The following GRID2 variants were observed in gnomAD, a reference collection of about 807,000 sequenced individuals.
GRID2 encodes glutamate ionotropic receptor delta type subunit 2.
Under a neutral mutation model 114.8 loss-of-function variants are expected in GRID2, and 33 were observed. That is an observed-to-expected ratio of 0.29 (90% CI 0.22 to 0.38). The LOEUF is 0.38. Ranked by LOEUF, GRID2 falls within the 10% of genes least tolerant of loss-of-function variation. The pLI is 1.00. For missense variants in GRID2, 1,184 were observed against 1,257.7 expected, an observed-to-expected ratio of 0.94 and a Z score of 0.89; for synonymous variants, 505 against 449.9, an observed-to-expected ratio of 1.12 and a Z score of -1.55.
At chr4:93,728,483 C>G (rs1269485085) in intron 14 of GRID2, among the ~76,000 whole-genome samples, 2 of 152,088 alleles carry the variant, frequency 1.3e-5, no homozygotes, top group South Asian at 2.1e-4. Context: ...GTGGAGAGTT[C>G]TGTAGATGTC....
intron 2 of GRID2, among the ~76,000 whole-genome samples, chr4:92,598,188 G>A (rs1729041598): frequency 6.6e-6 from 1 of 152,058 alleles, no homozygotes; most frequent in Non-Finnish European, 1.5e-5. Context: ...GTGTGCAATA[G>A]GAAATTGCAT....
intron 2 of GRID2, among the ~76,000 whole-genome samples, chr4:92,673,933 C>A (rs1441141279): frequency 5.9e-5 from 9 of 152,026 alleles, no homozygotes; most frequent in Admixed American, 5.9e-4. Flanking sequence ...TTGTAACAAA[C>A]CTGCACATTG....
chr4:93,370,768 T>C (rs1762813334), intron 8 of GRID2, among the ~76,000 whole-genome samples: 1 of 152,124 alleles, frequency 6.6e-6, no homozygotes, highest in South Asian at 2.1e-4. Context: ...TATGCGATCG[T>C]GTTTATTTTC....
intron 2 of GRID2, among the ~76,000 whole-genome samples, chr4:92,743,294 A>T (rs1343989740): frequency 6.6e-6 from 1 of 152,202 alleles, no homozygotes; most frequent in Non-Finnish European, 1.5e-5. Flanking sequence ...CGTCATCATC[A>T]TCATCATCTA....
At chr4:92,642,139 GT>G in intron 2 of GRID2, among the ~76,000 whole-genome samples, 1 of 151,550 alleles carries the variant, frequency 6.6e-6, no homozygotes, top group Non-Finnish European at 1.5e-5. Context: ...ATAAGGATCT[GT>G]TTTCCTTTGA....
intron 1 of GRID2, among the ~76,000 whole-genome samples, chr4:92,522,507 A>T (rs1724837678): frequency 6.6e-6 from 1 of 152,024 alleles, no homozygotes; most frequent in African/African-American, 2.4e-5. Context: ...CTGAGATGTG[A>T]CTAAATTTCA....
chr4:93,046,003 A>G (rs1307943148), intron 2 of GRID2, among the ~76,000 whole-genome samples: 1 of 152,126 alleles, frequency 6.6e-6, no homozygotes, highest in East Asian at 1.9e-4. Flanking sequence ...AAATGTTATA[A>G]TTGATAAGAA....
At chr4:92,385,262 T>C (rs986998510) in intron 1 of GRID2, among the ~76,000 whole-genome samples, 1 of 151,834 alleles carries the variant, frequency 6.6e-6, no homozygotes, top group African/African-American at 2.4e-5. Context: ...ATTTTGCTCA[T>C]TTCTAGACAT....
chr4:93,335,664 G>A (rs9998202), intron 8 of GRID2, among the ~76,000 whole-genome samples: 146,190 of 150,786 alleles, frequency 0.97, 70,892 homozygotes, highest in East Asian at 1. Context: ...TTTGCTTCTT[G>A]TTTTTTCTCT....
intron 8 of GRID2, among the ~76,000 whole-genome samples, chr4:93,359,203 T>C (rs1214706983): frequency 6.6e-6 from 1 of 152,100 alleles, no homozygotes; most frequent in African/African-American, 2.4e-5. Context: ...CATCCTCACA[T>C]GTCGTCAGGG....
intron 13 of GRID2, among the ~76,000 whole-genome samples, chr4:93,532,400 C>T (rs1731537813): frequency 6.6e-6 from 1 of 152,144 alleles, no homozygotes. Flanking sequence ...TACTGATTCT[C>T]ATCTAATACC....
At chr4:93,197,538 A>G (rs1741622037) in intron 4 of GRID2, among the ~76,000 whole-genome samples, 1 of 152,206 alleles carries the variant, frequency 6.6e-6, no homozygotes, top group Admixed American at 6.5e-5. Flanking sequence ...ACATACTGTA[A>G]ATAGCATTCA....
At chr4:92,894,402 G>C (rs1747009931) in intron 2 of GRID2, among the ~76,000 whole-genome samples, 1 of 152,024 alleles carries the variant, frequency 6.6e-6, no homozygotes, top group Non-Finnish European at 1.5e-5. Context: ...ATGGCCAGGA[G>C]GATAGACTAT....
At chr4:93,489,124 T>G (rs1257171033) in intron 11 of GRID2, among the ~76,000 whole-genome samples, 1 of 152,004 alleles carries the variant, frequency 6.6e-6, no homozygotes, top group Non-Finnish European at 1.5e-5. Context: ...GCCTAATACA[T>G]TGTTATTTTT....
chr4:93,405,012 A>G (rs1392690938), intron 9 of GRID2, among the ~76,000 whole-genome samples: 1 of 152,110 alleles, frequency 6.6e-6, no homozygotes, highest in Non-Finnish European at 1.5e-5. Context: ...TGAAGGTAAT[A>G]TTGTATGATG....
At chr4:93,499,000 T>G (rs527834022) in intron 12 of GRID2, among the ~76,000 whole-genome samples, 3 of 152,026 alleles carry the variant, frequency 2.0e-5, no homozygotes, top group Non-Finnish European at 4.4e-5. Context: ...GGTGTTGGAT[T>G]TTGACAAATG....
intron 2 of GRID2, among the ~76,000 whole-genome samples, chr4:92,899,194 T>TATA (rs1299381968): frequency 9.9e-5 from 15 of 152,282 alleles, no homozygotes; most frequent in African/African-American, 2.4e-4. Context: ...TTATATAATC[T>TATA]ATAAACATTA....
chr4:92,597,011 C>G (rs1013922500), intron 2 of GRID2, among the ~76,000 whole-genome samples: 8 of 151,974 alleles, frequency 5.3e-5, no homozygotes, highest in Non-Finnish European at 1.0e-4. Flanking sequence ...ATAGAAGGAA[C>G]AAGATGGTCT....
At chr4:92,745,369 G>T (rs916088745) in intron 2 of GRID2, among the ~76,000 whole-genome samples, 1 of 152,062 alleles carries the variant, frequency 6.6e-6, no homozygotes, top group Admixed American at 6.6e-5. Flanking sequence ...AAGCTATTTA[G>T]TGTCTAATGT....
Sources: allele counts gnomAD v4.1 joint callset (sites outside exome capture counted in the v4.1 genomes callset), GRCh38; gene constraint gnomAD v4.1.1; transcripts MANE v1.5; gene names NCBI Gene and HGNC (gene_info 2026-07-23, HGNC 2026-07-21).